The following WDPCP variants were observed in gnomAD, a reference collection of about 807,000 sequenced individuals.
The protein encoded by WDPCP is WD repeat containing planar cell polarity effector.
WDPCP carries 71 observed loss-of-function variants against 93.1 expected under a neutral mutation model. The ratio of observed to expected loss-of-function variants is 0.76; its 90% CI spans 0.63 to 0.93. The LOEUF (loss-of-function observed/expected upper bound fraction) is 0.93. Among genes scored for constraint, WDPCP ranks in the 40% least tolerant of loss-of-function variants. The pLI, the probability that WDPCP is intolerant of heterozygous loss-of-function variation, is 0.00. For synonymous variants in WDPCP, 315 were observed against 315.0 expected (o/e 1.00, Z 0.00); for missense variants, 844 against 887.4 (o/e 0.95, Z 0.62).
chr2:63,294,303 G>C (rs1684672410), intron 13 of WDPCP, among the ~76,000 whole-genome samples: 1 of 85,958 alleles, frequency 1.2e-5, no homozygotes, highest in Non-Finnish European at 2.2e-5. Context: ...CAGGAGTTCA[G>C]GACCAGTCTG....
At chr2:63,179,205 G>GGA (rs1553550149) in intron 14 of WDPCP, among the ~76,000 whole-genome samples, 22 of 138,148 alleles carry the variant, frequency 1.6e-4, no homozygotes, top group African/African-American at 2.2e-4. Context: ...GTCTCGGGGG[G>GGA]AAAAAAAAAA....
intron 2 of WDPCP, among the ~76,000 whole-genome samples, chr2:63,720,357 C>T (rs1037829965): frequency 1.3e-5 from 2 of 150,236 alleles, no homozygotes; most frequent in South Asian, 2.1e-4. Context: ...GCAGAGGTTG[C>T]GGCGAGCCGA....
intron 2 of WDPCP, among the ~76,000 whole-genome samples, chr2:63,809,861 T>C (rs562181592): frequency 1.3e-5 from 2 of 152,134 alleles, no homozygotes; most frequent in East Asian, 1.9e-4. Flanking sequence ...TGTTGTCGTA[T>C]GACCCTGCCA....
At chr2:63,325,722 C>T (rs1345056013) in intron 12 of WDPCP, among the ~76,000 whole-genome samples, 1 of 152,312 alleles carries the variant, frequency 6.6e-6, no homozygotes, top group Non-Finnish European at 1.5e-5. Context: ...GATATATTAG[C>T]CAAAGCTGGA....
At chr2:63,320,501 G>T (rs895570376) in intron 12 of WDPCP, among the ~76,000 whole-genome samples, 1 of 152,160 alleles carries the variant, frequency 6.6e-6, no homozygotes, top group African/African-American at 2.4e-5. Context: ...GTTGTAACAT[G>T]TAGGTTATAC....
intron 1 of WDPCP, among the ~76,000 whole-genome samples, chr2:63,586,508 G>C (rs1355966689): frequency 6.6e-6 from 1 of 152,160 alleles, no homozygotes; most frequent in South Asian, 2.1e-4. Flanking sequence ...ACCAAAGACG[G>C]TTCAAAAGGA....
At chr2:63,620,249 G>A (rs963493155) in intron 3 of WDPCP, among the ~76,000 whole-genome samples, 1 of 152,178 alleles carries the variant, frequency 6.6e-6, no homozygotes, top group Non-Finnish European at 1.5e-5. Context: ...CCCCAACAGA[G>A]CCCAGCAAGC....
At chr2:63,389,802 C>T (rs1351126255) in intron 10 of WDPCP, among the ~76,000 whole-genome samples, 1 of 151,990 alleles carries the variant, frequency 6.6e-6, no homozygotes, top group African/African-American at 2.4e-5. Flanking sequence ...ACAAAGAAGG[C>T]CATTACATAA....
At chr2:63,340,394 C>T (rs1210519644) in intron 12 of WDPCP, among the ~76,000 whole-genome samples, 1 of 152,128 alleles carries the variant, frequency 6.6e-6, no homozygotes, top group Non-Finnish European at 1.5e-5. Flanking sequence ...TTTGGCGTCT[C>T]CTTTGGCCAA....
chr2:63,403,238 C>T (rs868038672), intron 10 of WDPCP, among the ~76,000 whole-genome samples: 6 of 151,848 alleles, frequency 4.0e-5, no homozygotes, highest in South Asian at 4.2e-4. Context: ...CTTATGAACA[C>T]AAAGAAGAAA....
chr2:63,188,265 A>G (rs1386579310), intron 14 of WDPCP, among the ~76,000 whole-genome samples: 1 of 152,132 alleles, frequency 6.6e-6, no homozygotes, highest in African/African-American at 2.4e-5. Context: ...GTTTGTTCAA[A>G]TAAGCTCTTT....
intron 12 of WDPCP, among the ~76,000 whole-genome samples, chr2:63,323,801 G>A (rs1029083886): frequency 2.6e-5 from 4 of 152,126 alleles, no homozygotes; most frequent in African/African-American, 7.2e-5. Context: ...CACTAAATCC[G>A]ACCTTTCTCA....
rs572514079 is a variant in WDPCP at position 63,458,361 on chromosome 2, A to C, written c.385-18490T>G. Among the ~76,000 whole-genome samples the C allele has an allele frequency of 9.2e-5, 14 of 152,294 alleles. No homozygotes were observed. The South Asian group carries it at 2.9e-3, about 32-fold the overall frequency. On this transcript the variant is annotated intron_variant, in intron 6 of 17. Transcript: ENST00000272321. ...CAGAAAACTCTTAGAACTGATAAGC[A>C]AATTCAGTTGCAGGATACAAAAATC... is the stretch of plus-strand genomic sequence containing the variant.
At chr2:63,742,319 T>C (rs1040915987) in intron 2 of WDPCP, among the ~76,000 whole-genome samples, 1 of 151,782 alleles carries the variant, frequency 6.6e-6, no homozygotes, top group African/African-American at 2.4e-5. Flanking sequence ...GGAAAGTTTC[T>C]ATTTCAATGT....
chr2:63,384,330 G>C (rs1268917886), intron 10 of WDPCP, among the ~76,000 whole-genome samples: 1 of 152,038 alleles, frequency 6.6e-6, no homozygotes, highest in South Asian at 2.1e-4. Flanking sequence ...CAGAACTACT[G>C]ACATTTAAAA....
At chr2:63,747,247 T>C (rs1234558254) in intron 2 of WDPCP, among the ~76,000 whole-genome samples, 1 of 152,202 alleles carries the variant, frequency 6.6e-6, no homozygotes, top group African/African-American at 2.4e-5. Flanking sequence ...TTGCACTTTT[T>C]ATGTTGTCCT....
At chr2:63,721,068 T>C (rs1296869832) in intron 2 of WDPCP, among the ~76,000 whole-genome samples, 1 of 152,256 alleles carries the variant, frequency 6.6e-6, no homozygotes, top group East Asian at 1.9e-4. Context: ...ACAACAGTTC[T>C]TTAACAGGCT....
At chr2:63,141,971 C>T (rs558116327) in intron 17 of WDPCP, among the ~76,000 whole-genome samples, 11 of 152,012 alleles carry the variant, frequency 7.2e-5, no homozygotes, top group African/African-American at 1.7e-4. Flanking sequence ...CAGTGGTGTC[C>T]GTTGTAATAT....
At chr2:63,408,884 C>T (rs1694806296) in intron 9 of WDPCP, among the ~76,000 whole-genome samples, 1 of 152,118 alleles carries the variant, frequency 6.6e-6, no homozygotes, top group African/African-American at 2.4e-5. Flanking sequence ...CCCACAGCAG[C>T]CACAGCAACA....
Sources: allele counts gnomAD v4.1 joint callset (sites outside exome capture counted in the v4.1 genomes callset), GRCh38; gene constraint gnomAD v4.1.1; transcripts MANE v1.5; gene names NCBI Gene and HGNC (gene_info 2026-07-23, HGNC 2026-07-21).